Variants in ATP2B4 observed in about 807,000 individuals in gnomAD.
The protein encoded by ATP2B4 is plasma membrane calcium-transporting ATPase 4.
ATP2B4 carries 39 observed loss-of-function variants against 110.3 expected under a neutral mutation model. That is an observed-to-expected ratio of 0.35 (90% CI 0.27 to 0.46). The LOEUF is 0.46. ATP2B4 is among the 20% of genes least tolerant of loss of function. The probability of loss-of-function intolerance (pLI) is 1.00; values close to 1 mark genes in which losing one functional copy is unlikely to be tolerated. For missense variants in ATP2B4, 1,135 were observed against 1,530.9 expected, an observed-to-expected ratio of 0.74 and a Z score of 4.32; for synonymous variants, 538 against 571.7, an observed-to-expected ratio of 0.94 and a Z score of 0.84.
intron 1 of ATP2B4, among the ~76,000 whole-genome samples, chr1:203,638,223 G>C (rs1452681769): frequency 6.6e-6 from 1 of 152,156 alleles, no homozygotes; most frequent in Non-Finnish European, 1.5e-5. Context: ...GAGGGAGGCT[G>C]TCTGATCCCA....
intron 3 of ATP2B4, among the ~76,000 whole-genome samples, 177 bp from the exon 4 acceptor site, chr1:203,699,283 T>C (rs1665621935): frequency 6.6e-6 from 1 of 152,208 alleles, no homozygotes; most frequent in Admixed American, 6.5e-5. Context: ...GTTACACTAG[T>C]GATAAGACAA....
In ATP2B4 at chr1:203,690,072, G is replaced by A. The variant is rs1665318411; in HGVS notation, c.193+6674G>A. Among the ~76,000 whole-genome samples, 3 of 152,246 alleles carry A rather than the reference G, an allele frequency of 2.0e-5. No individual in the cohort carries two copies. In the South Asian group the frequency reaches 6.2e-4, roughly 32 times the overall value. On this transcript the variant is annotated intron_variant, in intron 2 of 20. Coordinates refer to ENST00000357681, the MANE Select transcript of ATP2B4 (RefSeq NM_001684.5). The stretch of plus-strand genomic sequence containing the variant: ...AGATTCCTTGGGGAGTAAGTGGCAG[G>A]CGGGAAAAAAAATGTGTTTTAAGAC...
At chr1:203,635,307 C>T (rs1424816083) in intron 1 of ATP2B4, among the ~76,000 whole-genome samples, 1 of 152,066 alleles carries the variant, frequency 6.6e-6, no homozygotes, top group East Asian at 1.9e-4. Context: ...CTTGTTCTGT[C>T]ACCCAGACTG....
At chr1:203,684,783 A>T (rs771866147) in intron 2 of ATP2B4, among the ~76,000 whole-genome samples, 1 of 151,870 alleles carries the variant, frequency 6.6e-6, no homozygotes, top group Non-Finnish European at 1.5e-5. Flanking sequence ...ATTATAAGTG[A>T]TTTTTTTTCA....
rs1037764936 is a variant in ATP2B4, at chr1:203,739,474, C to G, written c.3310-72C>G. On this transcript the variant is annotated intron_variant, in intron 20 of 20. Coordinates refer to ENST00000357681, the MANE Select transcript of ATP2B4 (RefSeq NM_001684.5). ...GGGTTTTGTTTCTCTCCTAAATCCA[C>G]CATCTCCTTGTTCTGCCGGCCAATT... The G allele has an allele frequency of 4.1e-6, 6 of 1,470,614 alleles. No homozygotes were observed. In the African/African-American group the frequency reaches 8.4e-5, roughly 21 times the overall value. The allele number at this position is 1,470,614 out of a possible 1,614,324, so 91.1% of individuals were successfully genotyped here.
At chr1:203,677,110 A>G (rs905115455) in intron 1 of ATP2B4, among the ~76,000 whole-genome samples, 1 of 152,076 alleles carries the variant, frequency 6.6e-6, no homozygotes, top group Non-Finnish European at 1.5e-5. Context: ...CTGAATCTAT[A>G]TTTCCCTGCT....
At chr1:203,691,317 C>T (rs1417603056) in intron 2 of ATP2B4, among the ~76,000 whole-genome samples, 1 of 152,180 alleles carries the variant, frequency 6.6e-6, no homozygotes, top group Non-Finnish European at 1.5e-5. Flanking sequence ...AATAGCATTC[C>T]CTCCTTGGGT....
At position 203,722,526 on chromosome 1, in the gene ATP2B4, C is replaced by T; in HGVS notation, c.2861C>T (p.Ser954Leu). 1 of 1,614,194 alleles carries T rather than the reference C, an allele frequency of 6.2e-7. No individual in the cohort carries two copies. The highest frequency in any genetic ancestry group is 8.5e-7 in the Non-Finnish European group (1 of 1,180,008). ...IDSGRKAPLH[S>L]PPSQHYTIVF... ...AGTGGGAGGAAGGCACCTCTACATT[C>T]ACCACCCAGCCAGCACTATACCATT... The change falls in exon 18 of 21, where the codon TCA (serine) becomes TTA (leucine). Residue 954 changes from serine to leucine, a missense_variant. By Grantham distance (145) the Ser-to-Leu change is moderately radical (BLOSUM62 -2). Transcript: ENST00000357681.
Position 203,703,637 on chromosome 1 carries a change from G to T in ATP2B4, c.938-15G>T, listed in dbSNP as rs1665760032. On this transcript the variant is annotated splice_polypyrimidine_tract_variant and intron_variant, in intron 7 of 20. Coordinates refer to ENST00000357681, the MANE Select transcript of ATP2B4 (RefSeq NM_001684.5). The stretch of plus-strand genomic sequence containing the variant: ...CCTTGCCTGCTCACCTGTCCTATTT[G>T]TGTGTACACTCCAGCAAAGACCCAA... 3 of 1,613,052 alleles carry T rather than the reference G, an allele frequency of 1.9e-6. No individual in the cohort carries two copies. Among genetic ancestry groups the T allele is most frequent in the Non-Finnish European group, 2.5e-6 (3 of 1,179,426 alleles).
chr1:203,699,433 G>A (rs760937486), intron 3 of ATP2B4, 27 bp from the exon 4 acceptor site: 3 of 1,612,414 alleles, frequency 1.9e-6, no homozygotes, highest in South Asian at 1.1e-5. Flanking sequence ...GCCCTTCAGT[G>A]ACTATTTCTC....
chr1:203,674,679 T>TG (rs1384341615), intron 1 of ATP2B4, among the ~76,000 whole-genome samples: 1 of 112,174 alleles, frequency 8.9e-6, no homozygotes, highest in Non-Finnish European at 1.7e-5. Flanking sequence ...TTTTCTGAGA[T>TG]GGGGTCTCAC....
At chr1:203,723,351 C>T (rs1302716994) in intron 18 of ATP2B4, among the ~76,000 whole-genome samples, 3 of 150,274 alleles carry the variant, frequency 2.0e-5, no homozygotes, top group Admixed American at 6.7e-5. Flanking sequence ...GCAATCCTCC[C>T]GCCTCCCAAA....
In ATP2B4 at chr1:203,741,741, G is replaced by C. The variant is rs1667000302; in HGVS notation, c.*1887G>C. 6.6e-6 allele frequency: 1 copy of C among 152,524 alleles called. No homozygotes were observed. The highest frequency in any genetic ancestry group is 6.6e-5 in the Admixed American group (1 of 15,252). 9.4% of individuals were successfully genotyped at this position (152,524 alleles called of 1,614,324 possible). A position where few individuals can be genotyped will look rare whatever the true frequency, so the allele number is the denominator to read the frequency against. ...ACATAATCCATCATCGTAGGAAATAGGAAAGCAAATTTGATTTTGGTTTTG... is the reference window on the plus strand; with the variant it reads ...ACATAATCCATCATCGTAGGAAATACGAAAGCAAATTTGATTTTGGTTTTG... On this transcript the variant is annotated 3_prime_UTR_variant, in exon 21 of 21. Coordinates refer to ENST00000357681, the MANE Select transcript of ATP2B4 (RefSeq NM_001684.5).
chr1:203,733,137 A>C, intron 20 of ATP2B4: 3 of 1,332,236 alleles, frequency 2.3e-6, no homozygotes, highest in Non-Finnish European at 2.0e-6. Context: ...TGCTTCCCCA[A>C]CCTTCCATGA....
At chr1:203,648,812 T>G (rs1457303980) in intron 1 of ATP2B4, among the ~76,000 whole-genome samples, 1 of 152,218 alleles carries the variant, frequency 6.6e-6, no homozygotes, top group Non-Finnish European at 1.5e-5. Context: ...AGAGAGATGC[T>G]TTGGGTTTCC....
chr1:203,698,217 T>TC lies in ATP2B4; in HGVS notation c.261dup (p.Lys88GlnfsTer40), dbSNP rs769726180. The TC allele has an allele frequency of 1.9e-6, 3 of 1,614,052 alleles. No homozygotes were observed. In the South Asian group the frequency reaches 3.3e-5, roughly 18 times the overall value. On this transcript the variant is annotated frameshift_variant, in exon 3 of 21. Transcript: ENST00000357681. LOFTEE classifies it high-confidence loss of function. The stretch of plus-strand genomic sequence containing the variant: ...AGGCAGGTGTTTGGACACAACGTGA[T>TC]CCCCCCCAAAAAGCCCAAGACTTTC...
At chr1:203,660,018 G>A (rs1361241944) in intron 1 of ATP2B4, among the ~76,000 whole-genome samples, 2 of 151,522 alleles carry the variant, frequency 1.3e-5, no homozygotes, top group East Asian at 3.9e-4. Context: ...GGAGCTGGAG[G>A]TTGCAGTGAG....
At chr1:203,706,177 G>C (rs114296347) in intron 8 of ATP2B4, among the ~76,000 whole-genome samples, 2,444 of 152,194 alleles carry the variant, frequency 0.016, 46 homozygotes, top group South Asian at 0.049. Flanking sequence ...ATTCTTTCAC[G>C]TACTGTAATG....
chr1:203,671,546 G>C (rs963431144), intron 1 of ATP2B4, among the ~76,000 whole-genome samples: 1 of 152,046 alleles, frequency 6.6e-6, no homozygotes, highest in Non-Finnish European at 1.5e-5. Flanking sequence ...AAGGCAGAGG[G>C]CCATAGTACT....
Sources: allele counts gnomAD v4.1 joint callset (sites outside exome capture counted in the v4.1 genomes callset), GRCh38; gene constraint gnomAD v4.1.1; transcripts MANE v1.5; gene names NCBI Gene and HGNC (gene_info 2026-07-23, HGNC 2026-07-21).